CDC42BPA: variants seen among roughly 807,000 people sequenced by gnomAD.
The protein encoded by CDC42BPA is CDC42 binding protein kinase alpha, also known as serine/threonine-protein kinase MRCK alpha.
A neutral mutation model predicts 223.5 loss-of-function variants in CDC42BPA; 80 were observed. The observed-to-expected ratio is 0.36, with a 90% CI of 0.30 to 0.43. The LOEUF (loss-of-function observed/expected upper bound fraction) is 0.43, where lower values mean the gene tolerates loss of function less well. Among genes scored for constraint, CDC42BPA ranks in the 20% least tolerant of loss-of-function variants. CDC42BPA has a pLI of 1.00. For synonymous variants in CDC42BPA, 694 were observed against 718.6 expected (o/e 0.97, Z 0.55); for missense variants, 1,743 against 2,099.9 (o/e 0.83, Z 3.32).
At chr1:227,077,675 TCTA>T (rs1679780838) in intron 17 of CDC42BPA, among the ~76,000 whole-genome samples, 1 of 152,182 alleles carries the variant, frequency 6.6e-6, no homozygotes. Context: ...ATGAGAAATC[TCTA>T]CTAAGATGTC....
chr1:227,031,346 C>CTTAT lies in CDC42BPA; in HGVS notation c.3726_3727insATAA (p.Asp1243IlefsTer9), dbSNP rs1362331445. 1 of 1,613,956 alleles carries CTTAT rather than the reference C, an allele frequency of 6.2e-7. No homozygotes were observed. The highest frequency in any genetic ancestry group is 1.3e-5 in the African/African-American group (1 of 74,910). ...GTTTTAATGAGGGGTAGAGTGCTGT[C>CTTAT]ATAAGCCTCTTTGGGAACATAGACT... On this transcript the variant is annotated frameshift_variant, in exon 28 of 37. Transcript: ENST00000366766. LOFTEE classifies it high-confidence loss of function.
intron 11 of CDC42BPA, among the ~76,000 whole-genome samples, chr1:227,124,573 A>T (rs1689207492): frequency 1.3e-5 from 2 of 152,160 alleles, no homozygotes; most frequent in Admixed American, 1.3e-4. Flanking sequence ...AAAAAAGGGA[A>T]GGAAAGAAAG....
chr1:227,302,346 C>T (rs902493273), intron 1 of CDC42BPA, among the ~76,000 whole-genome samples: 1 of 152,172 alleles, frequency 6.6e-6, no homozygotes, highest in African/African-American at 2.4e-5. Flanking sequence ...ATTTTTAACA[C>T]CTTCATGCCT....
At chr1:227,186,004 T>C (rs942227333) in intron 5 of CDC42BPA, among the ~76,000 whole-genome samples, 1 of 152,210 alleles carries the variant, frequency 6.6e-6, no homozygotes, top group Non-Finnish European at 1.5e-5. Context: ...GGCAAACTGT[T>C]GTCCCCAAAT....
chr1:227,030,978 C>T (rs1012385748), intron 28 of CDC42BPA, among the ~76,000 whole-genome samples: 1 of 152,014 alleles, frequency 6.6e-6, no homozygotes, highest in Admixed American at 6.6e-5. Context: ...AGGTAATTAC[C>T]ATCTGTATTT....
intron 34 of CDC42BPA, among the ~76,000 whole-genome samples, chr1:227,006,117 T>A (rs904887798): frequency 6.6e-6 from 1 of 151,716 alleles, no homozygotes; most frequent in African/African-American, 2.4e-5. Flanking sequence ...AAGGCTTTTC[T>A]CCATTTCTTC....
At chr1:227,256,347 A>G (rs113949348) in intron 1 of CDC42BPA, among the ~76,000 whole-genome samples, 14,131 of 152,220 alleles carry the variant, frequency 0.093, 840 homozygotes, top group Middle Eastern at 0.17. Context: ...GAGGGAAAGC[A>G]TTAGATAAAT....
intron 21 of CDC42BPA, among the ~76,000 whole-genome samples, chr1:227,067,547 A>G (rs536492778): frequency 1.3e-5 from 2 of 152,332 alleles, no homozygotes; most frequent in Admixed American, 6.5e-5. Context: ...GCAGCAGATT[A>G]TAACATGCAA....
chr1:227,131,979 A>G (rs1387331762), intron 10 of CDC42BPA, among the ~76,000 whole-genome samples: 1 of 152,196 alleles, frequency 6.6e-6, no homozygotes, highest in Non-Finnish European at 1.5e-5. Context: ...TTGTTGACAC[A>G]GCACATGAGG....
intron 35 of CDC42BPA, among the ~76,000 whole-genome samples, chr1:227,001,522 C>T (rs1232254685): frequency 6.6e-6 from 1 of 152,150 alleles, no homozygotes; most frequent in Non-Finnish European, 1.5e-5. Context: ...AGTTTAGGGC[C>T]TATCTTTATC....
At chr1:227,159,202 G>A (rs962296269) in intron 6 of CDC42BPA, among the ~76,000 whole-genome samples, 2 of 151,988 alleles carry the variant, frequency 1.3e-5, no homozygotes, top group Non-Finnish European at 2.9e-5. Flanking sequence ...ATTTTCCAAA[G>A]TTGGCCGGGC....
chr1:227,053,977 G>A (rs1302213518), intron 21 of CDC42BPA, among the ~76,000 whole-genome samples: 1 of 152,160 alleles, frequency 6.6e-6, no homozygotes, highest in Non-Finnish European at 1.5e-5. Context: ...AAATGGAACT[G>A]AGAAGCAAAG....
chr1:227,198,670 T>A (rs554174775), intron 4 of CDC42BPA, among the ~76,000 whole-genome samples: 1 of 151,994 alleles, frequency 6.6e-6, no homozygotes, highest in Admixed American at 6.6e-5. Flanking sequence ...TAAACCTTTA[T>A]TTTTTTTCCT....
At chr1:227,124,170 A>G (rs563134492) in intron 11 of CDC42BPA, among the ~76,000 whole-genome samples, 7 of 152,268 alleles carry the variant, frequency 4.6e-5, no homozygotes, top group African/African-American at 1.7e-4. Context: ...CCTACCCCTA[A>G]CCTTTAGAAG....
chr1:227,168,497 G>GTGTTTTGTTTTTTTTTTTTTTTTTTTT (rs1302291274), intron 5 of CDC42BPA, among the ~76,000 whole-genome samples: 19 of 80,212 alleles, frequency 2.4e-4, no homozygotes, highest in Non-Finnish European at 4.0e-4. Flanking sequence ...CTTCCCTGGT[G>GTGTTTTGTTTTTTTTTTTTTTTTTTTT]TTTTTTTTTT....
chr1:227,002,502 C>T (rs1450351721), intron 35 of CDC42BPA, among the ~76,000 whole-genome samples: 2 of 152,220 alleles, frequency 1.3e-5, no homozygotes, highest in Non-Finnish European at 2.9e-5. Flanking sequence ...AGCCAGGCTC[C>T]AAGATGATCG....
At position 227,276,496 on chromosome 1, in the gene CDC42BPA, G is replaced by C. The variant is rs370060886; in HGVS notation, c.179-22341C>G. On this transcript the variant is annotated intron_variant, in intron 1 of 36. Coordinates refer to ENST00000366766, the MANE Select transcript of CDC42BPA (RefSeq NM_001394014.1). ...GCCAGCCGCCCCGTTCGGGAGGTGG[G>C]GGGCAGCCCCCTCCCGGCAGTCACC... Among the ~76,000 whole-genome samples the C allele has an allele frequency of 3.6e-4, 54 of 151,186 alleles. No homozygotes were observed. The East Asian group carries it at 7.9e-3, about 22-fold the overall frequency.
At chr1:227,217,152 C>CA (rs1675002670) in intron 2 of CDC42BPA, among the ~76,000 whole-genome samples, 1 of 152,070 alleles carries the variant, frequency 6.6e-6, no homozygotes, top group Non-Finnish European at 1.5e-5. Context: ...TCCTCTGTTC[C>CA]AACCCATTCC....
intron 5 of CDC42BPA, among the ~76,000 whole-genome samples, chr1:227,162,591 G>A (rs990516119): frequency 2.6e-5 from 4 of 152,170 alleles, no homozygotes; most frequent in Non-Finnish European, 4.4e-5. Context: ...GAGGCCAAAG[G>A]AGGCCGAGGA....
Sources: allele counts gnomAD v4.1 joint callset (sites outside exome capture counted in the v4.1 genomes callset), GRCh38; gene constraint gnomAD v4.1.1; transcripts MANE v1.5; gene names NCBI Gene and HGNC (gene_info 2026-07-23, HGNC 2026-07-21).